FRMD4A: variants seen among roughly 807,000 people sequenced by gnomAD.
FRMD4A encodes the protein FERM domain-containing protein 4A.
FRMD4A carries 29 observed loss-of-function variants against 129.1 expected under a neutral mutation model. The ratio of observed to expected loss-of-function variants is 0.22; its 90% CI spans 0.17 to 0.31. The LOEUF is 0.31. Among genes scored for constraint, FRMD4A ranks in the 10% least tolerant of loss-of-function variants. FRMD4A has a pLI of 1.00. For synonymous variants in FRMD4A, 634 were observed against 571.6 expected (o/e 1.11, Z -1.56); for missense variants, 1,272 against 1,375.8 (o/e 0.92, Z 1.19).
At chr10:13,844,446 T>G (rs2094014237) in intron 3 of FRMD4A, among the ~76,000 whole-genome samples, 1 of 152,186 alleles carries the variant, frequency 6.6e-6, no homozygotes, top group Non-Finnish European at 1.5e-5. Context: ...TATTTTTTGT[T>G]ATTTATAAAA....
chr10:14,310,687 T>C (rs1020337982), intron 2 of FRMD4A, among the ~76,000 whole-genome samples: 2 of 152,180 alleles, frequency 1.3e-5, no homozygotes, highest in African/African-American at 4.8e-5. Flanking sequence ...TCGAGCGCTA[T>C]GCAAAGGGCA....
At chr10:14,036,094 T>A (rs1833490244) in intron 2 of FRMD4A, among the ~76,000 whole-genome samples, 1 of 150,804 alleles carries the variant, frequency 6.6e-6, no homozygotes, top group Non-Finnish European at 1.5e-5. Context: ...GCAGTAAGGA[T>A]TAGTGTCTCC....
chr10:13,666,128 T>G lies in FRMD4A; in HGVS notation c.1572A>C (p.Lys524Asn). The change falls in exon 18 of 25, where the codon AAA (lysine) becomes AAC (asparagine). Residue 524 changes from lysine (K) to asparagine (N), a missense_variant. Transcript: ENST00000357447. ...INENRIKSGK[K>N]PTQRASLIID... ...TGATCAGCGAAGCCCTCTGGGTGGG[T>G]TTCTTCCCAGACTTGATGCGGTTCT... 6.2e-7 allele frequency: 1 copy of G among 1,611,828 alleles called. No individual in the cohort carries two copies. The highest frequency in any genetic ancestry group is 8.5e-7 in the Non-Finnish European group (1 of 1,177,984).
intron 2 of FRMD4A, among the ~76,000 whole-genome samples, chr10:13,919,731 A>C (rs944412464): frequency 3.9e-5 from 6 of 152,120 alleles, no homozygotes; most frequent in South Asian, 2.1e-4. Context: ...TGAGGTTAGG[A>C]GTTCGAGACC....
At chr10:14,094,934 T>G (rs909451930) in intron 2 of FRMD4A, among the ~76,000 whole-genome samples, 1 of 152,084 alleles carries the variant, frequency 6.6e-6, no homozygotes, top group South Asian at 2.1e-4. Context: ...TGTGCCCATG[T>G]GTATGTATGT....
chr10:13,719,510 C>T (rs547198035), intron 12 of FRMD4A, among the ~76,000 whole-genome samples: 45 of 152,184 alleles, frequency 3.0e-4, no homozygotes, highest in Non-Finnish European at 4.0e-4. Flanking sequence ...TTGCAGGTGC[C>T]GATTCACAGC....
chr10:14,018,226 C>T (rs2095705235), intron 2 of FRMD4A, among the ~76,000 whole-genome samples: 1 of 150,448 alleles, frequency 6.6e-6, no homozygotes, highest in African/African-American at 2.5e-5. Flanking sequence ...GCAGGCAGAT[C>T]AGAAGGTCAG....
rs1836793967 is a variant in FRMD4A, at chr10:14,093,884, C to T, written c.46-234972G>A. ...TTTCTTTTCAAAAGCAGCCCTCTTT[C>T]CCTCACTGTTCACTGCCACCTAGTG... On this transcript the variant is annotated intron_variant, in intron 2 of 24. Coordinates refer to ENST00000357447, the MANE Select transcript of FRMD4A (RefSeq NM_018027.5). 2.0e-5 allele frequency among the ~76,000 whole-genome samples: 3 copies of T among 152,230 alleles called. No individual in the cohort carries two copies. The South Asian group carries it at 6.2e-4, about 31-fold the overall frequency.
intron 2 of FRMD4A, among the ~76,000 whole-genome samples, chr10:14,287,143 G>A (rs66546729): frequency 2.3e-4 from 9 of 38,940 alleles, no homozygotes; most frequent in East Asian, 4.5e-4. Context: ...CAGGCCCCCC[G>A]CTCCGTGATG....
intron 17 of FRMD4A, among the ~76,000 whole-genome samples, chr10:13,669,268 G>C (rs1046175264): frequency 6.6e-6 from 1 of 152,054 alleles, no homozygotes; most frequent in Non-Finnish European, 1.5e-5. Flanking sequence ...CACCATGCTG[G>C]CCAGGCTGGT....
intron 15 of FRMD4A, among the ~76,000 whole-genome samples, chr10:13,681,965 T>G (rs561082637): frequency 6.6e-6 from 1 of 152,202 alleles, no homozygotes; most frequent in African/African-American, 2.4e-5. Flanking sequence ...ACACCTATAA[T>G]CCCAGCACTT....
chr10:13,678,172 T>C (rs2084159440), intron 15 of FRMD4A, among the ~76,000 whole-genome samples: 2 of 152,132 alleles, frequency 1.3e-5, no homozygotes, highest in South Asian at 4.1e-4. Flanking sequence ...TTAGCCTAGA[T>C]ACCAAGCCCA....
At chr10:14,198,616 T>A (rs1842541143) in intron 2 of FRMD4A, among the ~76,000 whole-genome samples, 1 of 152,224 alleles carries the variant, frequency 6.6e-6, no homozygotes, top group Non-Finnish European at 1.5e-5. Flanking sequence ...GACTTTGCCC[T>A]CATTGTCCTC....
At chr10:14,265,311 G>A (rs1182141202) in intron 2 of FRMD4A, among the ~76,000 whole-genome samples, 1 of 152,080 alleles carries the variant, frequency 6.6e-6, no homozygotes, top group Non-Finnish European at 1.5e-5. Flanking sequence ...CTCAGTTTAA[G>A]GTTCTGTGAG....
chr10:13,652,111 A>T, intron 23 of FRMD4A, 137 bp from the exon 24 acceptor site: 1 of 689,716 alleles, frequency 1.4e-6, no homozygotes, highest in Admixed American at 2.1e-5. Context: ...TTAGCAACAG[A>T]TCATACAAGT....
intron 2 of FRMD4A, among the ~76,000 whole-genome samples, chr10:14,309,935 ACC>A (rs1846484129): frequency 7.7e-6 from 1 of 130,054 alleles, no homozygotes; most frequent in Admixed American, 8.3e-5. Context: ...CGTCCCCTGC[ACC>A]CTCCCCGCAT....
intron 2 of FRMD4A, among the ~76,000 whole-genome samples, chr10:14,067,198 C>A (rs549278302): frequency 6.6e-6 from 1 of 151,898 alleles, no homozygotes; most frequent in South Asian, 2.1e-4. Flanking sequence ...TGCCTGTAAT[C>A]CAAGCTACTC....
chr10:13,931,775 TAA>T (rs59824238), intron 2 of FRMD4A, among the ~76,000 whole-genome samples: 10 of 129,246 alleles, frequency 7.7e-5, no homozygotes, highest in East Asian at 4.3e-4. Context: ...TCATCTTTAC[TAA>T]AAAAAAAAAA....
intron 2 of FRMD4A, among the ~76,000 whole-genome samples, chr10:14,085,405 T>C (rs1018647885): frequency 5.3e-5 from 8 of 152,234 alleles, no homozygotes; most frequent in Non-Finnish European, 1.0e-4. Flanking sequence ...TTTCAGTTAA[T>C]ACTGCAAAAA....
Sources: gnomAD v4.1 joint callset for allele counts (sites outside exome capture counted in the v4.1 genomes callset) on GRCh38, gnomAD v4.1.1 for gene constraint, MANE v1.5 for transcripts, NCBI Gene and HGNC (gene_info 2026-07-23, HGNC 2026-07-21) for gene names.